ATP13A1: variants seen among roughly 807,000 people sequenced by gnomAD.
ATP13A1 encodes endoplasmic reticulum transmembrane helix translocase.
ATP13A1 carries 55 observed loss-of-function variants against 134.8 expected under a neutral mutation model. That is an observed-to-expected ratio of 0.41 (90% confidence interval 0.33 to 0.51). The LOEUF (loss-of-function observed/expected upper bound fraction) is 0.51, where lower values mean the gene tolerates loss of function less well. ATP13A1 is among the 20% of genes least tolerant of loss of function. ATP13A1 has a pLI of 0.29. For missense variants in ATP13A1, 1,389 were observed against 1,652.8 expected (o/e 0.84, Z 2.77); for synonymous variants, 775 against 725.1 (o/e 1.07, Z -1.10).
chr19:19,647,567 T>A lies in ATP13A1; in HGVS notation c.2793+32A>T. On this transcript the variant is annotated intron_variant, in intron 20 of 25. Coordinates refer to ENST00000357324, the MANE Select transcript of ATP13A1 (RefSeq NM_020410.3). This position sits in a 1 kb window ranked among gnomAD's most constrained non-coding sequence, Gnocchi z 4.8. ...AGCAGGCTGTCAGCCCTGGCCAGGA[T>A]GGGGTGCAGCACCTCCCCTCTTGGG... 1 of 1,612,774 alleles carries A rather than the reference T, an allele frequency of 6.2e-7. No homozygotes were observed. The highest frequency in any genetic ancestry group is 1.1e-5 in the South Asian group (1 of 90,970).
At chr19:19,659,861 A>T in intron 2 of ATP13A1, 37 bp downstream of exon 2, 1 of 1,591,728 alleles carries the variant, frequency 6.3e-7, no homozygotes, top group Non-Finnish European at 8.6e-7. Flanking sequence ...AATCCTACTC[A>T]AGCCCCTCCT....
chr19:19,646,130 C>CTGCTGAAGTCTGTGGAGT (rs2061984077), intron 23 of ATP13A1, 75 bp downstream of exon 23: 3 of 1,604,936 alleles, frequency 1.9e-6, no homozygotes, highest in Non-Finnish European at 2.6e-6. Flanking sequence ...CCAGCCTCTC[C>CTGCTGAAGTCTGTGGAGT]TGCTGAAGTC....
chr19:19,654,647 G>A lies in ATP13A1; in HGVS notation c.1709C>T (p.Ala570Val), dbSNP rs745751805. 23 of 1,613,478 alleles carry A rather than the reference G, an allele frequency of 1.4e-5. No individual in the cohort carries two copies. The highest frequency in any genetic ancestry group is 3.3e-4 in the Middle Eastern group (2 of 6,084). Residue 570 changes from alanine to valine, a missense_variant, in exon 13 of 26, where the codon GCC becomes GTC. Transcript: ENST00000357324. ...CATGAGCGAGTGGCACGAGGCCAGGGCCCGGTGTGTTTCTACAGGGATGCT... is the reference window on the plus strand; with the variant it reads ...CATGAGCGAGTGGCACGAGGCCAGGACCCGGTGTGTTTCTACAGGGATGCT... ...VSSIPVETHR[A>V]LASCHSLMQL...
intron 1 of ATP13A1, chr19:19,662,182 G>C (rs552830210): frequency 3.7e-5 from 57 of 1,549,164 alleles, no homozygotes; most frequent in Non-Finnish European, 4.9e-5. Flanking sequence ...AAGTTTGAGC[G>C]GTGCCACAGT....
chr19:19,648,709 TGAA>T (rs776959409), intron 19 of ATP13A1, among the ~76,000 whole-genome samples: 12 of 139,648 alleles, frequency 8.6e-5, no homozygotes, highest in South Asian at 4.4e-4. Context: ...CTTGGGAGGC[TGAA>T]GAAGGAGAAT....
chr19:19,654,205 A>G (rs2062042616), intron 13 of ATP13A1, 61 bp from the exon 14 acceptor site: 7 of 1,482,950 alleles, frequency 4.7e-6, no homozygotes, highest in Non-Finnish European at 6.4e-6. Flanking sequence ...CCAAGCCCCT[A>G]CCTCTCACCC....
chr19:19,659,893 C>T lies in ATP13A1; in HGVS notation c.486+5G>A, dbSNP rs1272240177. ...TCCTCCAGGAGCCCAGCAGGCAGTC[C>T]CTACCTCATTGCGGTGCAGGGCCAC... On this transcript the variant is annotated splice_donor_5th_base_variant and intron_variant, in intron 2 of 25. Transcript: ENST00000357324. 6.3e-7 allele frequency: 1 copy of T among 1,590,882 alleles called. No homozygotes were observed. The highest frequency in any genetic ancestry group is 8.6e-7 in the Non-Finnish European group (1 of 1,169,434).
At chr19:19,646,056 G>A in intron 23 of ATP13A1, 71 bp from the exon 24 acceptor site, 2 of 1,597,736 alleles carry the variant, frequency 1.3e-6, no homozygotes, top group Non-Finnish European at 1.7e-6. Flanking sequence ...GCTTCCTGCT[G>A]CCCTGGCACA....
chr19:19,657,087 G>T lies in ATP13A1; in HGVS notation c.813C>A (p.Ser271=). 1 of 1,543,150 alleles carries T rather than the reference G, an allele frequency of 6.5e-7. No individual in the cohort carries two copies. The highest frequency in any genetic ancestry group is 2.3e-5 in the East Asian group (1 of 43,890). ...GCGAGGCCTCGAACGCCACCAGCAT[G>T]GATAGCGTAAAGACGCTGTAGTACC... ...EYWYYSVFTL[S]MLVAFEASLV... is the part of the protein sequence containing the mutation. The change falls in exon 5 of 26, where the codon TCC becomes TCA. Residue 271 remains serine (S), a synonymous_variant. Transcript: ENST00000357324.
rs748455902 is a variant in ATP13A1, at chr19:19,655,385, C to T, written c.1465G>A (p.Val489Met). The T allele has an allele frequency of 4.3e-6, 7 of 1,613,914 alleles. No individual in the cohort carries two copies. The highest frequency in any genetic ancestry group is 5.1e-6 in the Non-Finnish European group (6 of 1,179,862). Residue 489 changes from valine (V) to methionine (M), a missense_variant, in exon 11 of 26, where the codon GTG (valine) becomes ATG (methionine). Physicochemically the swap from Val to Met is conservative, Grantham distance 21. Transcript: ENST00000357324. The surrounding 1 kb of genome is among the most constrained non-coding windows in gnomAD (Gnocchi z 5.7). ...LECTLILTSV[V>M]PPELPIELSL... Reference sequence around the variant, plus strand: ...AGCTCGATGGGCAGCTCAGGAGGCACGACCGAGGTGAGGATCAGGGTGCAC... The same window carrying T: ...AGCTCGATGGGCAGCTCAGGAGGCATGACCGAGGTGAGGATCAGGGTGCAC...
intron 1 of ATP13A1, among the ~76,000 whole-genome samples, chr19:19,661,407 G>A (rs2062093751): frequency 6.6e-6 from 1 of 152,208 alleles, no homozygotes; most frequent in Non-Finnish European, 1.5e-5. Context: ...CTTGGCATGT[G>A]CTGTTTTCTC....
chr19:19,663,260 TAC>T lies in ATP13A1; in HGVS notation c.396+9_396+10del, dbSNP rs2145027680. ...CCGTGCTGGGGGTCGGGCTCGCGTG[TAC>T]ACACTTACCGGGGTGCAGGTGAGCG... On this transcript the variant is annotated intron_variant, in intron 1 of 25. Transcript: ENST00000357324. 3 of 1,572,224 alleles carry T rather than the reference TAC, an allele frequency of 1.9e-6. No individual in the cohort carries two copies. The East Asian group carries it at 7.2e-5, about 37-fold the overall frequency.
chr19:19,649,238 C>T (rs577137376), intron 19 of ATP13A1, among the ~76,000 whole-genome samples: 3 of 152,204 alleles, frequency 2.0e-5, no homozygotes, highest in Admixed American at 6.5e-5. Flanking sequence ...ACTGGGATTC[C>T]AGGCAGGAGC....
At position 19,655,800 on chromosome 19, in the gene ATP13A1, G is replaced by A. The variant is rs2062053670; in HGVS notation, c.1269+78C>T. 3.3e-6 allele frequency: 5 copies of A among 1,537,330 alleles called. No individual in the cohort carries two copies. In the South Asian group the frequency reaches 3.6e-5, roughly 11 times the overall value. ...GCCAGAGTCAGCCCGTGGGGCAGAT[G>A]TTCTGGGGTCGGAAAGGGCTGATAC... On this transcript the variant is annotated intron_variant, in intron 9 of 25. Transcript: ENST00000357324. This position sits in a 1 kb window ranked among gnomAD's most constrained non-coding sequence, Gnocchi z 5.7.
Position 19,663,416 on chromosome 19 carries a change from G to A in ATP13A1, c.251C>T (p.Ala84Val), listed in dbSNP as rs747979716. ...LYPAWLGAAAAGCWGWGSSWV... is the reference protein window; with the variant it reads ...LYPAWLGAAAVGCWGWGSSWV... Reference sequence around the variant, plus strand: ...ACTGCTGCCCCAGCCCCAGCAGCCAGCGGCTGCGGCACCCAACCAGGCCGG... The same window carrying A: ...ACTGCTGCCCCAGCCCCAGCAGCCAACGGCTGCGGCACCCAACCAGGCCGG... The change falls in exon 1 of 26, where the codon GCT becomes GTT. Residue 84 changes from alanine (A) to valine (V), a missense_variant. Physicochemically the swap from Ala to Val is moderately conservative, Grantham distance 64. Around this residue, in one of 4 missense-constraint regions of ATP13A1, gnomAD observed 293 missense variants for 270.8 expected, o/e 1.08. Coordinates refer to ENST00000357324, the MANE Select transcript of ATP13A1 (RefSeq NM_020410.3). 3.8e-5 allele frequency: 60 copies of A among 1,577,076 alleles called. No individual in the cohort carries two copies. The highest frequency in any genetic ancestry group is 1.8e-4 in the Admixed American group (10 of 54,476).
Position 19,663,574 on chromosome 19 carries a change from C to G in ATP13A1, c.93G>C (p.Gln31His), listed in dbSNP as rs1273233525. 1 of 1,499,492 alleles carries G rather than the reference C, an allele frequency of 6.7e-7. No homozygotes were observed. Among genetic ancestry groups the G allele is most frequent in the African/African-American group, 1.4e-5 (1 of 68,998 alleles). 92.9% of individuals were successfully genotyped at this position (1,499,492 alleles called of 1,614,324 possible). Residue 31 changes from glutamine to histidine, a missense_variant, in exon 1 of 26, where the codon CAG (glutamine) becomes CAC (histidine). Coordinates refer to ENST00000357324, the MANE Select transcript of ATP13A1 (RefSeq NM_020410.3). ...GCCCGGCGGCAAGGAGCGCGCGCGG[C>G]TGCGGCCCGGGCTTGGGCTGCCCGT... Reference protein sequence around the residue: ...RPDGQPKPGPQPRALLAAGPA... With the variant: ...RPDGQPKPGPHPRALLAAGPA...
chr19:19,655,311 C>A lies in ATP13A1; in HGVS notation c.1534+5G>T. 1 of 1,613,986 alleles carries A rather than the reference C, an allele frequency of 6.2e-7. No individual in the cohort carries two copies. The highest frequency in any genetic ancestry group is 8.5e-7 in the Non-Finnish European group (1 of 1,179,898). ...TCGGCACCCCATCCCATTTGACACA[C>A]TCACAGAGCTTGGCCAGGGCGATGA... On this transcript the variant is annotated splice_donor_5th_base_variant and intron_variant, in intron 11 of 25. Coordinates refer to ENST00000357324, the MANE Select transcript of ATP13A1 (RefSeq NM_020410.3). This position sits in a 1 kb window ranked among gnomAD's most constrained non-coding sequence, Gnocchi z 5.7.
At chr19:19,649,123 A>T (rs1186209536) in intron 19 of ATP13A1, among the ~76,000 whole-genome samples, 2 of 151,994 alleles carry the variant, frequency 1.3e-5, no homozygotes, top group Non-Finnish European at 2.9e-5. Context: ...CTCCGTCAAA[A>T]AAAAAAAAGA....
intron 23 of ATP13A1, 51 bp from the exon 24 acceptor site, chr19:19,646,036 A>C: frequency 6.2e-7 from 1 of 1,603,130 alleles, no homozygotes; most frequent in African/African-American, 1.3e-5. Context: ...CGGCTCACAC[A>C]CACTGTGTGG....
Sources: allele counts gnomAD v4.1 joint callset (sites outside exome capture counted in the v4.1 genomes callset), GRCh38; gene constraint gnomAD v4.1.1; regional missense constraint gnomAD v4.1.1; non-coding constraint Gnocchi (gnomAD v3.1); transcripts MANE v1.5; gene names NCBI Gene and HGNC (gene_info 2026-07-23, HGNC 2026-07-21).